RGS5: variants seen among roughly 807,000 people sequenced by gnomAD.
The protein encoded by RGS5 is regulator of G protein signaling 5.
A neutral mutation model predicts 18.9 loss-of-function variants in RGS5; 20 were observed. The observed-to-expected ratio is 1.06, with a 90% CI of 0.74 to 1.54. The LOEUF is 1.54. Ranked by LOEUF, RGS5 falls within the 40% of genes most tolerant of loss-of-function variation. The pLI is 0.00. For synonymous variants in RGS5, 57 were observed against 76.2 expected (o/e 0.75, Z 1.31); for missense variants, 201 against 211.8 (o/e 0.95, Z 0.32).
chr1:163,236,121 T>A (rs778434759), intron 2 of RGS5, among the ~76,000 whole-genome samples: 8 of 152,212 alleles, frequency 5.3e-5, no homozygotes, highest in Non-Finnish European at 7.3e-5. Flanking sequence ...GCCCTTCATA[T>A]TTCTTCTAAA....
upstream of RGS5, among the ~76,000 whole-genome samples, chr1:163,222,236 G>A (rs891858575): frequency 6.6e-5 from 10 of 152,032 alleles, no homozygotes; most frequent in African/African-American, 1.2e-4. Context: ...CCTAAATTCC[G>A]CCTCCTGTTG....
intron 2 of RGS5, among the ~76,000 whole-genome samples, chr1:163,288,581 G>A (rs1259388191): frequency 1.3e-5 from 2 of 151,888 alleles, no homozygotes; most frequent in Admixed American, 1.3e-4. Flanking sequence ...TTTCCTCTCT[G>A]ATCATTTCTC....
chr1:163,197,366 C>T (rs774939644), intron 1 of RGS5, among the ~76,000 whole-genome samples: 6 of 152,128 alleles, frequency 3.9e-5, no homozygotes, highest in Non-Finnish European at 5.9e-5. Context: ...AAGCATCATC[C>T]GTATAACCTT....
chr1:163,261,192 G>A (rs1422425716), intron 2 of RGS5, among the ~76,000 whole-genome samples: 2 of 152,148 alleles, frequency 1.3e-5, no homozygotes, highest in African/African-American at 4.8e-5. Context: ...ATTAGTTGGG[G>A]AGCTTATATA....
intron 1 of RGS5, among the ~76,000 whole-genome samples, chr1:163,173,930 A>G (rs1658423208): frequency 6.6e-6 from 1 of 152,108 alleles, no homozygotes; most frequent in Admixed American, 6.5e-5. Flanking sequence ...AAAAAAAATT[A>G]GCCAAGCGTG....
At chr1:163,307,419 A>T (rs1261453988) in intron 1 of RGS5, among the ~76,000 whole-genome samples, 4 of 151,624 alleles carry the variant, frequency 2.6e-5, no homozygotes, top group Admixed American at 2.6e-4. Flanking sequence ...TTTTTTTTTT[A>T]ACAGAAAGGA....
rs1571356624 is a variant in RGS5 at position 163,310,867 on chromosome 1, T to C, written c.-377-4538A>G. 2.0e-5 allele frequency among the ~76,000 whole-genome samples: 3 copies of C among 152,084 alleles called. No individual in the cohort carries two copies. The East Asian group carries it at 5.8e-4, about 29-fold the overall frequency. ...GGAGGCCTCAGGAAACTTACAATCATGGCGGAATGCAAAGGGGAAGCAAGG... is the reference window on the plus strand; with the variant it reads ...GGAGGCCTCAGGAAACTTACAATCACGGCGGAATGCAAAGGGGAAGCAAGG... On this transcript the variant is annotated intron_variant, in intron 1 of 5. Transcript: ENST00000618415.
intron 2 of RGS5, chr1:163,244,739 T>C (rs1490137965): frequency 6.6e-6 from 1 of 152,160 alleles, no homozygotes; most frequent in Admixed American, 6.5e-5. Context: ...AAGGAAGACT[T>C]GTTCTGTGAT....
At chr1:163,293,061 T>C (rs148171429) in intron 2 of RGS5, among the ~76,000 whole-genome samples, 238 of 152,332 alleles carry the variant, frequency 1.6e-3, no homozygotes, top group African/African-American at 5.4e-3. Context: ...TTGTAATTGC[T>C]TTTGGTGTCT....
At chr1:163,215,930 A>G (rs977975478) in intron 1 of RGS5, among the ~76,000 whole-genome samples, 1 of 151,918 alleles carries the variant, frequency 6.6e-6, no homozygotes, top group African/African-American at 2.4e-5. Flanking sequence ...TAAAAATAAA[A>G]TAAAATAAAA....
intron 2 of RGS5, among the ~76,000 whole-genome samples, chr1:163,232,037 T>A (rs1000427805): frequency 6.6e-6 from 1 of 152,124 alleles, no homozygotes; most frequent in Non-Finnish European, 1.5e-5. Context: ...CCTGTAATTG[T>A]ATACCCTTGG....
chr1:163,178,842 T>C (rs563245634), intron 1 of RGS5, among the ~76,000 whole-genome samples: 1 of 152,200 alleles, frequency 6.6e-6, no homozygotes, highest in Admixed American at 6.5e-5. Context: ...AGAAGAAAAG[T>C]CATCAAGAAA....
intron 2 of RGS5, among the ~76,000 whole-genome samples, chr1:163,246,674 A>C (rs1647951558): frequency 6.6e-6 from 1 of 152,264 alleles, no homozygotes; most frequent in Non-Finnish European, 1.5e-5. Flanking sequence ...CAGTTCTTAC[A>C]GTGATATATT....
At chr1:163,230,253 A>C (rs1455631714) in intron 2 of RGS5, among the ~76,000 whole-genome samples, 1 of 152,214 alleles carries the variant, frequency 6.6e-6, no homozygotes, top group Non-Finnish European at 1.5e-5. Context: ...TCATATTAAC[A>C]TAACCATAAT....
chr1:163,270,998 T>A (rs182590662), intron 2 of RGS5, among the ~76,000 whole-genome samples: 9 of 152,298 alleles, frequency 5.9e-5, no homozygotes, highest in African/African-American at 2.2e-4. Context: ...ACTGTAAGTA[T>A]ACAATGCAAT....
At chr1:163,165,446 T>G (rs1315791296) in intron 2 of RGS5, among the ~76,000 whole-genome samples, 5 of 152,224 alleles carry the variant, frequency 3.3e-5, no homozygotes, top group African/African-American at 1.2e-4. Flanking sequence ...TATCACAAAC[T>G]AAACCTATGT....
chr1:163,297,148 A>G (rs1649441158), intron 2 of RGS5, among the ~76,000 whole-genome samples: 3 of 152,184 alleles, frequency 2.0e-5, no homozygotes, highest in Non-Finnish European at 4.4e-5. Flanking sequence ...GATTTATTAG[A>G]GAAGGTAGGA....
chr1:163,164,584 C>T (rs1657962934), intron 2 of RGS5, among the ~76,000 whole-genome samples: 1 of 152,164 alleles, frequency 6.6e-6, no homozygotes, highest in Non-Finnish European at 1.5e-5. Flanking sequence ...TCCCATTTCA[C>T]CCTATCCTGT....
intron 2 of RGS5, among the ~76,000 whole-genome samples, chr1:163,234,700 G>A (rs959963043): frequency 8.6e-5 from 13 of 152,026 alleles, no homozygotes; most frequent in African/African-American, 2.7e-4. Flanking sequence ...CTATTATTGT[G>A]TAATAAAACA....
Sources: allele counts gnomAD v4.1 joint callset (sites outside exome capture counted in the v4.1 genomes callset), GRCh38; gene constraint gnomAD v4.1.1; transcripts MANE v1.5; gene names NCBI Gene and HGNC (gene_info 2026-07-23, HGNC 2026-07-21).